Variants in ENTREP2 observed in about 807,000 individuals in gnomAD.
ENTREP2 encodes the protein endosomal transmembrane epsin interactor 2.
the ENTREP2 span, among the ~76,000 whole-genome samples, chr15:29,561,632 G>A: frequency 1.3e-5 from 2 of 152,026 alleles, no homozygotes; most frequent in African/African-American, 2.4e-5. Flanking sequence ...AGCTTGCAGT[G>A]AGCCGAGACT....
chr15:29,647,380 A>C, the ENTREP2 span, among the ~76,000 whole-genome samples: 2 of 152,180 alleles, frequency 1.3e-5, no homozygotes, highest in South Asian at 4.1e-4. Context: ...TACAAACCTA[A>C]TGGAAAGGGA....
chr15:29,223,593 G>T, the ENTREP2 span, among the ~76,000 whole-genome samples: 3 of 152,130 alleles, frequency 2.0e-5, no homozygotes, highest in African/African-American at 7.2e-5. Context: ...CTATAAATCC[G>T]AGAAACAGTT....
At chr15:29,597,822 A>G in the ENTREP2 span, among the ~76,000 whole-genome samples, 72,290 of 151,840 alleles carry the variant, frequency 0.48, 17,718 homozygotes, top group Non-Finnish European at 0.54. Flanking sequence ...GTTGACTCTG[A>G]TAGTAAGACT....
At chr15:29,566,410 T>C in the ENTREP2 span, among the ~76,000 whole-genome samples, 4 of 151,972 alleles carry the variant, frequency 2.6e-5, no homozygotes, top group Non-Finnish European at 4.4e-5. Flanking sequence ...GTGATCCACC[T>C]GCCTCGGCCT....
chr15:29,674,790 G>A, the ENTREP2 span, among the ~76,000 whole-genome samples: 1 of 151,500 alleles, frequency 6.6e-6, no homozygotes, highest in East Asian at 2.0e-4. Flanking sequence ...CGCGGAGGAA[G>A]GGGCGGGCTT....
chr15:29,474,440 C>T, the ENTREP2 span, among the ~76,000 whole-genome samples: 1 of 152,178 alleles, frequency 6.6e-6, no homozygotes, highest in Non-Finnish European at 1.5e-5. Context: ...GACTACGGTT[C>T]AGGTTCATGG....
At chr15:29,625,885 T>C in the ENTREP2 span, among the ~76,000 whole-genome samples, 2 of 150,998 alleles carry the variant, frequency 1.3e-5, no homozygotes, top group African/African-American at 4.9e-5. Context: ...TTTTGCTCTG[T>C]GCCCAGGCTG....
the ENTREP2 span, among the ~76,000 whole-genome samples, chr15:29,638,267 C>A: frequency 2.6e-5 from 4 of 152,242 alleles, no homozygotes; most frequent in Admixed American, 1.3e-4. Flanking sequence ...TCCACCTCGG[C>A]ACTGCTGATG....
chr15:29,553,433 A>T, the ENTREP2 span, among the ~76,000 whole-genome samples: 2 of 152,232 alleles, frequency 1.3e-5, no homozygotes, highest in Non-Finnish European at 2.9e-5. Flanking sequence ...TACTAATAGT[A>T]ATCTGAAAAA....
At chr15:29,169,321 G>GA in the ENTREP2 span, among the ~76,000 whole-genome samples, 19 of 151,372 alleles carry the variant, frequency 1.3e-4, no homozygotes, top group African/African-American at 2.9e-4. Flanking sequence ...AACATTTTGG[G>GA]AAAAAAAAGG....
the ENTREP2 span, among the ~76,000 whole-genome samples, chr15:29,214,690 TA>T: frequency 0.032 from 4,600 of 141,638 alleles, 90 homozygotes; most frequent in Non-Finnish European, 0.036. Context: ...AGTATAATAA[TA>T]AAAAAAAAAA....
chr15:29,383,804 C>T, the ENTREP2 span, among the ~76,000 whole-genome samples: 29 of 152,144 alleles, frequency 1.9e-4, no homozygotes, highest in African/African-American at 5.6e-4. Flanking sequence ...AAAACATGAA[C>T]CAAAGCACGC....
chr15:29,348,506 C>T, the ENTREP2 span, among the ~76,000 whole-genome samples: 3 of 152,058 alleles, frequency 2.0e-5, no homozygotes, highest in African/African-American at 4.8e-5. Context: ...AAGACCGGCT[C>T]GGGAGTGGGA....
At chr15:29,418,862 C>G in the ENTREP2 span, among the ~76,000 whole-genome samples, 3 of 152,216 alleles carry the variant, frequency 2.0e-5, no homozygotes, top group Admixed American at 2.0e-4. Context: ...CTGGGGGAAA[C>G]CCCAGCAGGG....
At chr15:29,170,494 T>C in the ENTREP2 span, among the ~76,000 whole-genome samples, 3 of 152,116 alleles carry the variant, frequency 2.0e-5, no homozygotes, top group South Asian at 2.1e-4. Flanking sequence ...TAGTCATGAA[T>C]AGGAAGATTC....
chr15:29,196,150 C>A, the ENTREP2 span, among the ~76,000 whole-genome samples: 1 of 152,148 alleles, frequency 6.6e-6, no homozygotes, highest in African/African-American at 2.4e-5. Context: ...ATCCCATCAT[C>A]ATTTGTAAAG....
chr15:29,374,171 A>G, the ENTREP2 span: 1 of 152,188 alleles, frequency 6.6e-6, no homozygotes, highest in African/African-American at 2.4e-5. Flanking sequence ...ACACAGTCTC[A>G]CAGAAAAAAT....
the ENTREP2 span, among the ~76,000 whole-genome samples, chr15:29,370,251 C>T: frequency 6.6e-5 from 10 of 152,158 alleles, no homozygotes; most frequent in Non-Finnish European, 1.3e-4. Flanking sequence ...AAGAGATTCA[C>T]TAGAGTTTGT....
chr15:29,170,781 T>C, the ENTREP2 span, among the ~76,000 whole-genome samples: 51 of 152,346 alleles, frequency 3.3e-4, no homozygotes, highest in African/African-American at 1.2e-3. Context: ...ACTTCTAGCC[T>C]CCTGACTGTG....
Sources: allele counts gnomAD v4.1 joint callset (sites outside exome capture counted in the v4.1 genomes callset), GRCh38; gene constraint gnomAD v4.1.1; transcripts MANE v1.5; gene names NCBI Gene and HGNC (gene_info 2026-07-23, HGNC 2026-07-21).